Variants in RNLS observed in about 807,000 individuals in gnomAD.
The protein encoded by RNLS is renalase, FAD dependent amine oxidase.
A neutral mutation model predicts 39.8 loss-of-function variants in RNLS; 39 were observed. The observed-to-expected ratio is 0.98, with a 90% CI of 0.76 to 1.28. The LOEUF is 1.28. RNLS is among the 50% of genes most tolerant of loss of function. The pLI is 0.00. For synonymous variants in RNLS, 147 were observed against 150.7 expected, an observed-to-expected ratio of 0.98 and a Z score of 0.18; for missense variants, 410 against 413.3, an observed-to-expected ratio of 0.99 and a Z score of 0.07.
chr10:88,530,347 C>T (rs1433403632), intron 4 of RNLS, among the ~76,000 whole-genome samples: 2 of 152,186 alleles, frequency 1.3e-5, no homozygotes, highest in African/African-American at 2.4e-5. Flanking sequence ...ACTACAAATA[C>T]ATTAAACTTA....
chr10:88,549,586 C>A (rs1848513181), intron 4 of RNLS, among the ~76,000 whole-genome samples: 1 of 151,904 alleles, frequency 6.6e-6, no homozygotes, highest in Admixed American at 6.6e-5. Flanking sequence ...TAAATAAATT[C>A]TTTTCTAGAT....
At chr10:88,395,002 A>G (rs200769135) in intron 4 of RNLS, among the ~76,000 whole-genome samples, 1 of 151,976 alleles carries the variant, frequency 6.6e-6, no homozygotes, top group African/African-American at 2.4e-5. Context: ...ATGAGAACAC[A>G]TGTACACAGG....
chr10:88,566,796 T>A (rs1360975047), intron 4 of RNLS, among the ~76,000 whole-genome samples: 3 of 151,980 alleles, frequency 2.0e-5, no homozygotes, highest in African/African-American at 7.3e-5. Context: ...AACAAATAAA[T>A]CTTCCAATAA....
intron 4 of RNLS, among the ~76,000 whole-genome samples, chr10:88,428,244 AG>A (rs1213185001): frequency 6.6e-6 from 1 of 152,022 alleles, no homozygotes; most frequent in Non-Finnish European, 1.5e-5. Context: ...GAAAAGAGCT[AG>A]GACTATTACT....
intron 6 of RNLS, among the ~76,000 whole-genome samples, chr10:88,304,469 CA>C (rs1844774509): frequency 6.6e-6 from 1 of 152,070 alleles, no homozygotes; most frequent in South Asian, 2.1e-4. Flanking sequence ...AGCTGACAGA[CA>C]AAATAATTGG....
chr10:88,445,171 C>G (rs147188124), intron 4 of RNLS, among the ~76,000 whole-genome samples: 1 of 152,084 alleles, frequency 6.6e-6, no homozygotes, highest in Non-Finnish European at 1.5e-5. Flanking sequence ...ATTCAACATT[C>G]GTAAAGAAAA....
At chr10:88,408,936 T>G (rs1013175627) in intron 4 of RNLS, among the ~76,000 whole-genome samples, 1 of 152,146 alleles carries the variant, frequency 6.6e-6, no homozygotes, top group African/African-American at 2.4e-5. Context: ...TTTTTAAAAA[T>G]GATGTGTTGA....
rs181509464 is a variant in RNLS, at chr10:88,377,423, T to C, written c.527-14698A>G. Among the ~76,000 whole-genome samples the C allele has an allele frequency of 8.5e-5, 13 of 152,298 alleles. No individual in the cohort carries two copies. In the East Asian group the frequency reaches 2.5e-3, roughly 29 times the overall value. ...TGAGAAATTCATCATTAGGTGATTT[T>C]GCATTATGTGAATATCATAGAGAGT... On this transcript the variant is annotated intron_variant, in intron 4 of 6. Coordinates refer to ENST00000331772, the MANE Select transcript of RNLS (RefSeq NM_001031709.3).
chr10:88,260,794 A>G, the RNLS span, among the ~76,000 whole-genome samples: 1 of 152,252 alleles, frequency 6.6e-6, no homozygotes, highest in Admixed American at 6.5e-5. Context: ...CAAACCACAC[A>G]AACATTTGTG....
At chr10:88,435,452 A>C (rs1283284421) in intron 4 of RNLS, among the ~76,000 whole-genome samples, 5 of 152,176 alleles carry the variant, frequency 3.3e-5, no homozygotes, top group Non-Finnish European at 2.9e-5. Flanking sequence ...AAAAACATTA[A>C]AAAAATAAAA....
intron 6 of RNLS, among the ~76,000 whole-genome samples, chr10:88,306,848 C>T (rs774086490): frequency 1.5e-4 from 23 of 152,138 alleles, no homozygotes; most frequent in Non-Finnish European, 2.6e-4. Context: ...CATCCTGATA[C>T]CAAAACGTAG....
chr10:88,284,358 G>A lies in RNLS; in HGVS notation c.*996C>T, dbSNP rs1412593693. On this transcript the variant is annotated 3_prime_UTR_variant, in exon 7 of 7. Transcript: ENST00000331772. The stretch of plus-strand genomic sequence containing the variant: ...ATGCTGAAATAGAACTCATCATTTT[G>A]CTTTTCAAATTAGCAACAGGTAGCT... 1.0e-6 allele frequency: 1 copy of A among 985,218 alleles called. No homozygotes were observed. The highest frequency in any genetic ancestry group is 1.2e-6 in the Non-Finnish European group (1 of 829,894). The allele number at this position is 985,218 out of a possible 1,614,324, so 61.0% of individuals were successfully genotyped here.
chr10:88,393,982 C>A (rs1589719339), intron 4 of RNLS, among the ~76,000 whole-genome samples: 1 of 152,122 alleles, frequency 6.6e-6, no homozygotes, highest in Admixed American at 6.5e-5. Context: ...GGAAAACTGG[C>A]TAGCCATATG....
chr10:88,575,159 T>C (rs1166347773), intron 3 of RNLS, among the ~76,000 whole-genome samples: 949 of 43,346 alleles, frequency 0.022, 13 homozygotes, highest in African/African-American at 0.065. Flanking sequence ...TATATATATA[T>C]ACACACACAC....
intron 3 of RNLS, among the ~76,000 whole-genome samples, chr10:88,580,796 A>G (rs1449972168): frequency 1.3e-5 from 2 of 152,194 alleles, no homozygotes; most frequent in African/African-American, 4.8e-5. Context: ...GAAGAGATCC[A>G]ATTTTTAACC....
At chr10:88,580,268 C>A (rs1287485350) in intron 3 of RNLS, among the ~76,000 whole-genome samples, 2 of 152,098 alleles carry the variant, frequency 1.3e-5, no homozygotes, top group African/African-American at 4.8e-5. Context: ...GGTTCTGTTT[C>A]TCTGGAGTAG....
chr10:88,381,045 TTTTG>T (rs1158290398), intron 4 of RNLS, among the ~76,000 whole-genome samples: 2 of 152,314 alleles, frequency 1.3e-5, no homozygotes, highest in South Asian at 4.1e-4. Context: ...TTATATAGCT[TTTTG>T]ATATGTTCTG....
chr10:88,196,975 G>C, the RNLS span, among the ~76,000 whole-genome samples: 1 of 152,166 alleles, frequency 6.6e-6, no homozygotes, highest in African/African-American at 2.4e-5. Flanking sequence ...CATGTTGCTA[G>C]ACATCAGCTC....
At chr10:88,462,701 T>G (rs141101339) in intron 4 of RNLS, among the ~76,000 whole-genome samples, 9 of 152,114 alleles carry the variant, frequency 5.9e-5, no homozygotes, top group African/African-American at 1.2e-4. Context: ...AATAATAACC[T>G]GCCTGTGGGG....
Sources: gnomAD v4.1 joint callset for allele counts (sites outside exome capture counted in the v4.1 genomes callset) on GRCh38, gnomAD v4.1.1 for gene constraint, MANE v1.5 for transcripts, NCBI Gene and HGNC (gene_info 2026-07-23, HGNC 2026-07-21) for gene names.